The following SLC41A2 variants were observed in gnomAD, a reference collection of about 807,000 sequenced individuals.
SLC41A2 encodes the protein SLC41A1-like 1.
In SLC41A2, 32 loss-of-function variants were observed where a neutral mutation model predicts 58.3. The ratio of observed to expected loss-of-function variants is 0.55; its 90% CI spans 0.41 to 0.74. SLC41A2 has a LOEUF of 0.74. Ranked by LOEUF, SLC41A2 falls within the 30% of genes least tolerant of loss-of-function variation. The probability of loss-of-function intolerance (pLI) is 0.00; values close to 1 mark genes in which losing one functional copy is unlikely to be tolerated. For missense variants in SLC41A2, 514 were observed against 680.6 expected, an observed-to-expected ratio of 0.76 and a Z score of 2.72; for synonymous variants, 190 against 235.0, an observed-to-expected ratio of 0.81 and a Z score of 1.75.
chr12:104,851,403 A>G (rs1427456749), intron 8 of SLC41A2, among the ~76,000 whole-genome samples: 1 of 152,048 alleles, frequency 6.6e-6, no homozygotes, highest in African/African-American at 2.4e-5. Flanking sequence ...TTATTTTTAG[A>G]GACAGGGTCT....
At chr12:104,945,836 T>C (rs1310747683) in intron 1 of SLC41A2, among the ~76,000 whole-genome samples, 1 of 152,238 alleles carries the variant, frequency 6.6e-6, no homozygotes, top group East Asian at 1.9e-4. Context: ...AATTCACTTA[T>C]ATCTTATATG....
At chr12:104,884,665 G>A (rs2044567611) in intron 6 of SLC41A2, among the ~76,000 whole-genome samples, 1 of 151,966 alleles carries the variant, frequency 6.6e-6, no homozygotes. Context: ...CTCCAATTGG[G>A]AGAGACTTAT....
chr12:104,808,709 G>T (rs1241253662), intron 10 of SLC41A2, among the ~76,000 whole-genome samples: 12 of 150,066 alleles, frequency 8.0e-5, no homozygotes, highest in South Asian at 2.1e-4. Flanking sequence ...GACTTTTTTT[G>T]GTTGGTAAGC....
chr12:104,834,878 C>T lies in SLC41A2; in HGVS notation c.1536+9594G>A, dbSNP rs187428667. On this transcript the variant is annotated intron_variant, in intron 10 of 10. Transcript: ENST00000258538. The stretch of plus-strand genomic sequence containing the variant: ...GCTACTGGGTAGTTATCCTGGGATT[C>T]CAATTATAGTCATGTTGTTACCATA... Among the ~76,000 whole-genome samples, 83 of 152,140 alleles carry T rather than the reference C, an allele frequency of 5.5e-4. 1 individual carries two copies. The highest frequency in any genetic ancestry group is 2.0e-3 in the African/African-American group (82 of 41,508).
At chr12:104,845,267 T>C (rs1159222262) in intron 9 of SLC41A2, among the ~76,000 whole-genome samples, 1 of 152,094 alleles carries the variant, frequency 6.6e-6, no homozygotes, top group Non-Finnish European at 1.5e-5. Flanking sequence ...CTCCAGCCTG[T>C]GCAACAGAGC....
rs181416453 is a variant in SLC41A2 at position 104,821,505 on chromosome 12, C to T, written c.1537-16168G>A. On this transcript the variant is annotated intron_variant, in intron 10 of 10. Coordinates refer to ENST00000258538, the MANE Select transcript of SLC41A2 (RefSeq NM_001352171.3). ...ATTCACACAATAGAATACTATGTAA[C>T]AGTAAAATAGCTGAATGGTAGTCCC... Among the ~76,000 whole-genome samples the T allele has an allele frequency of 3.9e-5, 6 of 152,206 alleles. No individual in the cohort carries two copies. The East Asian group carries it at 9.6e-4, about 24-fold the overall frequency.
intron 6 of SLC41A2, among the ~76,000 whole-genome samples, chr12:104,884,177 T>C (rs1221686557): frequency 6.6e-6 from 1 of 152,192 alleles, no homozygotes; most frequent in African/African-American, 2.4e-5. Context: ...CCTGGTGTGC[T>C]GTTTGCTAAG....
At chr12:104,829,507 C>T (rs1020718705) in intron 10 of SLC41A2, among the ~76,000 whole-genome samples, 2 of 151,980 alleles carry the variant, frequency 1.3e-5, no homozygotes, top group African/African-American at 4.8e-5. Context: ...GAACTGACTG[C>T]AAAGGAGCAT....
At position 104,939,161 on chromosome 12, in the gene SLC41A2, T is replaced by C. The variant is rs564811192; in HGVS notation, c.-167-10467A>G. Among the ~76,000 whole-genome samples the C allele has an allele frequency of 6.6e-5, 10 of 152,290 alleles. No individual in the cohort carries two copies. The East Asian group carries it at 1.9e-3, about 29-fold the overall frequency. On this transcript the variant is annotated intron_variant, in intron 1 of 10. Transcript: ENST00000258538. ...AGAGTCATGTCAGGGAATCATTGAC[T>C]TAAAGGAAAATAAGACCAGACACTC...
At chr12:104,917,455 C>T (rs1320361690) in intron 2 of SLC41A2, among the ~76,000 whole-genome samples, 1 of 152,024 alleles carries the variant, frequency 6.6e-6, no homozygotes. Context: ...TACCATTTGA[C>T]CCAGCCATCC....
chr12:104,826,514 G>A (rs117422078), intron 10 of SLC41A2, among the ~76,000 whole-genome samples: 2,036 of 152,184 alleles, frequency 0.013, 25 homozygotes, highest in Non-Finnish European at 0.019. Context: ...GGCACCCCCA[G>A]CAGAGAAGCC....
chr12:104,951,884 T>C (rs755669566), intron 1 of SLC41A2, among the ~76,000 whole-genome samples: 6 of 151,748 alleles, frequency 4.0e-5, no homozygotes, highest in Non-Finnish European at 7.4e-5. Context: ...ACACTGCCTT[T>C]GGGTGAGTGC....
At chr12:104,806,596 G>A (rs1204615226) in intron 10 of SLC41A2, among the ~76,000 whole-genome samples, 1 of 151,784 alleles carries the variant, frequency 6.6e-6, no homozygotes, top group Non-Finnish European at 1.5e-5. Flanking sequence ...GGGATGGCTG[G>A]GTCAAATGGT....
intron 10 of SLC41A2, among the ~76,000 whole-genome samples, chr12:104,839,870 T>A (rs1231270632): frequency 6.6e-6 from 1 of 152,174 alleles, no homozygotes; most frequent in Non-Finnish European, 1.5e-5. Context: ...ACAGATGACA[T>A]GTTTATGTTT....
chr12:104,943,632 T>C (rs993826546), intron 1 of SLC41A2, among the ~76,000 whole-genome samples: 5 of 152,064 alleles, frequency 3.3e-5, no homozygotes, highest in Non-Finnish European at 7.4e-5. Context: ...CAACCCCTAT[T>C]ATGCCCCAAT....
At chr12:104,957,831 T>C (rs992424842) in intron 1 of SLC41A2, among the ~76,000 whole-genome samples, 1 of 152,128 alleles carries the variant, frequency 6.6e-6, no homozygotes, top group Non-Finnish European at 1.5e-5. Context: ...CCGGGACCGC[T>C]TGTCCGCGGT....
intron 8 of SLC41A2, among the ~76,000 whole-genome samples, chr12:104,850,837 T>A (rs931396782): frequency 6.6e-6 from 1 of 152,078 alleles, no homozygotes; most frequent in Non-Finnish European, 1.5e-5. Context: ...TCCCAGGGAG[T>A]TCTGAAAAAA....
intron 2 of SLC41A2, among the ~76,000 whole-genome samples, chr12:104,910,268 A>C (rs557430540): frequency 6.6e-6 from 1 of 152,292 alleles, no homozygotes; most frequent in South Asian, 2.1e-4. Context: ...AGTTGACCCC[A>C]GGAGTTCTAA....
chr12:104,913,238 C>T (rs1367801640), intron 2 of SLC41A2, among the ~76,000 whole-genome samples: 3 of 152,166 alleles, frequency 2.0e-5, no homozygotes, highest in African/African-American at 7.2e-5. Context: ...AACACTCTTA[C>T]GGCCAAGAGG....
Sources: gnomAD v4.1 joint callset for allele counts (sites outside exome capture counted in the v4.1 genomes callset) on GRCh38, gnomAD v4.1.1 for gene constraint, MANE v1.5 for transcripts, NCBI Gene and HGNC (gene_info 2026-07-23, HGNC 2026-07-21) for gene names.